Variants in TF observed in about 807,000 individuals in gnomAD.
TF encodes transferrin, also known as serotransferrin.
In TF, 55 loss-of-function variants were observed where a neutral mutation model predicts 82.4. The ratio of observed to expected loss-of-function variants is 0.67; its 90% CI spans 0.54 to 0.84. TF has a LOEUF of 0.84. TF is among the 40% of genes least tolerant of loss of function. TF has a pLI of 0.00. For missense variants in TF, 737 were observed against 868.4 expected (o/e 0.85, Z 1.90); for synonymous variants, 332 against 332.6 (o/e 1.00, Z 0.02).
At chr3:133,690,824 C>T in the TF span, among the ~76,000 whole-genome samples, 7 of 152,108 alleles carry the variant, frequency 4.6e-5, no homozygotes, top group African/African-American at 7.2e-5. Context: ...GCCCACGGGA[C>T]GGACTGAAAC....
At chr3:133,665,467 C>CA in the TF span, among the ~76,000 whole-genome samples, 51,422 of 123,600 alleles carry the variant, frequency 0.42, 10,471 homozygotes, top group East Asian at 0.56. Context: ...GACCCTATCT[C>CA]AAAAAAAAAA....
the TF span, chr3:133,700,755 G>A: frequency 6.6e-6 from 1 of 152,516 alleles, no homozygotes; most frequent in African/African-American, 2.4e-5. Flanking sequence ...TGGGGAGCTT[G>A]GCCACCATCT....
At chr3:133,688,824 G>C in the TF span, among the ~76,000 whole-genome samples, 1 of 152,082 alleles carries the variant, frequency 6.6e-6, no homozygotes, top group Non-Finnish European at 1.5e-5. Context: ...AGAAAATACA[G>C]TAGAATCAAG....
At chr3:133,710,528 C>G in the TF span, among the ~76,000 whole-genome samples, 1 of 152,176 alleles carries the variant, frequency 6.6e-6, no homozygotes, top group Non-Finnish European at 1.5e-5. Context: ...TCTTAGCAGA[C>G]CATTTCACCT....
At chr3:133,699,791 T>C in the TF span, 1 of 345,410 alleles carries the variant, frequency 2.9e-6, no homozygotes. Context: ...TCAGTCTATA[T>C]GTGTTATATA....
rs1418176182 is a variant in TF at position 133,775,595 on chromosome 3, A to G, written c.1850A>G (p.His617Arg). 2 of 1,614,092 alleles carry G rather than the reference A, an allele frequency of 1.2e-6. No individual in the cohort carries two copies. Among genetic ancestry groups the G allele is most frequent in the East Asian group, 2.2e-5 (1 of 44,896 alleles). Reference protein sequence around the residue: ...VTRKDKEACVHKILRQQQHLF... With the variant: ...VTRKDKEACVRKILRQQQHLF... ...CGGAAAGATAAGGAAGCTTGCGTCC[A>G]CAAGATATTACGTCAACAGCAGGTA... The change falls in exon 15 of 17, where the codon CAC becomes CGC. Residue 617 changes from histidine (H) to arginine (R), a missense_variant. Coordinates refer to ENST00000402696, the MANE Select transcript of TF (RefSeq NM_001063.4).
rs1271540141 is a variant in TF, at chr3:133,795,592, T to TTTTTG, written c.*16973_*16974insTTTGT. ...GGAATTTTTTTTTTTTTTTTTTTTT[T>TTTTTG]TGAGATGGAGTCTCACTCTGTCACC... On this transcript the variant is annotated 3_prime_UTR_variant, in exon 17 of 17. Transcript: ENST00000402696. The TTTTTG allele has an allele frequency of 2.0e-5, 3 of 149,120 alleles. No homozygotes were observed. The highest frequency in any genetic ancestry group is 7.5e-5 in the African/African-American group (3 of 40,106). The allele number at this position is 149,120 out of a possible 1,614,324, so 9.2% of individuals were successfully genotyped here. A position where few individuals can be genotyped will look rare whatever the true frequency, so the allele number is the denominator to read the frequency against.
intron 14 of TF, chr3:133,772,801 G>T (rs925189914): frequency 5.9e-5 from 9 of 152,098 alleles, no homozygotes; most frequent in African/African-American, 2.2e-4. Context: ...TTGTAAGTTT[G>T]GGAACTACTG....
At chr3:133,698,092 G>A in the TF span, among the ~76,000 whole-genome samples, 1 of 152,232 alleles carries the variant, frequency 6.6e-6, no homozygotes, top group Non-Finnish European at 1.5e-5. Context: ...CCTCTAAACA[G>A]CACCTGGGGT....
At chr3:133,703,026 C>T in the TF span, among the ~76,000 whole-genome samples, 1 of 152,154 alleles carries the variant, frequency 6.6e-6, no homozygotes, top group Non-Finnish European at 1.5e-5. Flanking sequence ...ATGAAACACT[C>T]ATTTAAATAA....
At chr3:133,693,669 C>G in the TF span, among the ~76,000 whole-genome samples, 1 of 152,158 alleles carries the variant, frequency 6.6e-6, no homozygotes, top group Non-Finnish European at 1.5e-5. Context: ...ACCTCCTACC[C>G]CCTCCTCGAC....
At chr3:133,754,841 G>T (rs776212517) in intron 4 of TF, among the ~76,000 whole-genome samples, 170 bp downstream of exon 4, 6 of 152,230 alleles carry the variant, frequency 3.9e-5, no homozygotes, top group Non-Finnish European at 8.8e-5. Flanking sequence ...GCACTTGGGA[G>T]GTGGAGCTGA....
chr3:133,672,257 G>A, the TF span, among the ~76,000 whole-genome samples: 1 of 152,104 alleles, frequency 6.6e-6, no homozygotes, highest in African/African-American at 2.4e-5. Flanking sequence ...AAACACAGGT[G>A]GCTTCACTGG....
upstream of TF, among the ~76,000 whole-genome samples, chr3:133,743,004 T>C (rs1933422646): frequency 6.6e-6 from 1 of 152,154 alleles, no homozygotes; most frequent in Admixed American, 6.6e-5. Context: ...TCTCTTTCTC[T>C]TTCTCTTTCT....
the TF span, among the ~76,000 whole-genome samples, chr3:133,720,459 G>A: frequency 6.6e-6 from 1 of 152,066 alleles, no homozygotes; most frequent in African/African-American, 2.4e-5. Context: ...CTTGATTATA[G>A]TGAATGATCT....
At chr3:133,686,021 C>G in the TF span, among the ~76,000 whole-genome samples, 1 of 152,282 alleles carries the variant, frequency 6.6e-6, no homozygotes, top group South Asian at 2.1e-4. Context: ...TGGAAGAGAA[C>G]AGAGTCCTCA....
chr3:133,741,285 G>C (rs959132613), upstream of TF, among the ~76,000 whole-genome samples: 1 of 152,016 alleles, frequency 6.6e-6, no homozygotes, highest in African/African-American at 2.4e-5. Context: ...GAGCCACCAT[G>C]CCCAGCTTTA....
upstream of TF, among the ~76,000 whole-genome samples, chr3:133,743,439 G>A (rs962372797): frequency 2.6e-5 from 4 of 151,918 alleles, no homozygotes; most frequent in Non-Finnish European, 4.4e-5. Flanking sequence ...TCCCTCTCTC[G>A]GTGTGACCCC....
chr3:133,693,099 A>T, the TF span, among the ~76,000 whole-genome samples: 3 of 152,222 alleles, frequency 2.0e-5, no homozygotes, highest in Non-Finnish European at 4.4e-5. Context: ...TGTGTGCACC[A>T]GCAACTCCTG....
Sources: allele counts gnomAD v4.1 joint callset (sites outside exome capture counted in the v4.1 genomes callset), GRCh38; gene constraint gnomAD v4.1.1; transcripts MANE v1.5; gene names NCBI Gene and HGNC (gene_info 2026-07-23, HGNC 2026-07-21).